SUFU: variants seen among roughly 807,000 people sequenced by gnomAD.
SUFU encodes SUFU negative regulator of hedgehog signaling, also known as suppressor of fused homolog.
A neutral mutation model predicts 58.9 loss-of-function variants in SUFU; 7 were observed. The ratio of observed to expected loss-of-function variants is 0.12; its 90% CI spans 0.07 to 0.22. SUFU has a LOEUF of 0.22. Among genes scored for constraint, SUFU ranks in the 10% least tolerant of loss-of-function variants. The pLI, the probability that SUFU is intolerant of heterozygous loss-of-function variation, is 1.00. For synonymous variants in SUFU, 232 were observed against 254.8 expected (o/e 0.91, Z 0.85); for missense variants, 451 against 641.3 (o/e 0.70, Z 3.20).
intron 3 of SUFU, among the ~76,000 whole-genome samples, chr10:102,590,591 T>C (rs2063389387): frequency 6.6e-6 from 1 of 152,196 alleles, no homozygotes; most frequent in South Asian, 2.1e-4. Flanking sequence ...TTGCTTTTCA[T>C]ATCATGGTAA....
At chr10:102,579,120 A>C (rs2063246420) in intron 3 of SUFU, among the ~76,000 whole-genome samples, 1 of 150,720 alleles carries the variant, frequency 6.6e-6, no homozygotes, top group Non-Finnish European at 1.5e-5. Context: ...GGACCTGTGT[A>C]CTTTACAGGT....
In SUFU at chr10:102,540,963, A is replaced by G. The variant is rs757823047; in HGVS notation, c.318-9007A>G. The stretch of plus-strand genomic sequence containing the variant: ...CTTGAACCCGGGAGGCGGAGGTTGC[A>G]GTGATCAGAGATCGCGCCATTGCAC... On this transcript the variant is annotated intron_variant, in intron 2 of 11. Coordinates refer to ENST00000369902, the MANE Select transcript of SUFU (RefSeq NM_016169.4). Among the ~76,000 whole-genome samples the G allele has an allele frequency of 9.9e-5, 15 of 152,224 alleles. No individual in the cohort carries two copies. The Middle Eastern group carries it at 0.014, about 139-fold the overall frequency.
chr10:102,595,228 G>A (rs1056806404), intron 6 of SUFU, among the ~76,000 whole-genome samples: 3 of 152,180 alleles, frequency 2.0e-5, no homozygotes, highest in Admixed American at 6.5e-5. Flanking sequence ...GGTGGCAGAT[G>A]GACATGTAGC....
At chr10:102,550,945 T>C (rs573829765) in intron 3 of SUFU, among the ~76,000 whole-genome samples, 160 of 152,240 alleles carry the variant, frequency 1.1e-3, no homozygotes, top group African/African-American at 3.7e-3. Context: ...GATTTTTCCA[T>C]GTTGGTCAGG....
At chr10:102,515,239 T>A (rs1268241750) in intron 2 of SUFU, among the ~76,000 whole-genome samples, 1 of 152,122 alleles carries the variant, frequency 6.6e-6, no homozygotes, top group African/African-American at 2.4e-5. Context: ...CTTTTCCACT[T>A]GTTGTTTAGT....
intron 8 of SUFU, among the ~76,000 whole-genome samples, chr10:102,613,194 CAG>C (rs2063644518): frequency 6.6e-6 from 1 of 152,266 alleles, no homozygotes; most frequent in South Asian, 2.1e-4. Flanking sequence ...TAAACAACCT[CAG>C]AGTTTCCTTC....
chr10:102,590,842 C>T (rs763918189), intron 3 of SUFU: 9 of 152,226 alleles, frequency 5.9e-5, no homozygotes, highest in South Asian at 2.1e-4. Context: ...AACACACTTA[C>T]GTAAAAGGAG....
intron 1 of SUFU, among the ~76,000 whole-genome samples, chr10:102,508,239 G>T (rs1042475281): frequency 6.6e-6 from 1 of 152,126 alleles, no homozygotes; most frequent in Non-Finnish European, 1.5e-5. Flanking sequence ...CTCCCAAAGT[G>T]CAGAGATTAC....
chr10:102,509,902 A>T (rs1360003467), intron 2 of SUFU, among the ~76,000 whole-genome samples: 1 of 151,980 alleles, frequency 6.6e-6, no homozygotes, highest in Admixed American at 6.6e-5. Flanking sequence ...CAGTGGTATG[A>T]TCATGGTTCA....
chr10:102,624,257 C>T (rs991305721), intron 10 of SUFU, among the ~76,000 whole-genome samples: 5 of 152,224 alleles, frequency 3.3e-5, no homozygotes, highest in African/African-American at 7.2e-5. Context: ...ATCACAAGGG[C>T]AAGTCTGTTA....
intron 2 of SUFU, among the ~76,000 whole-genome samples, chr10:102,534,523 C>T (rs1195289250): frequency 6.6e-6 from 1 of 152,240 alleles, no homozygotes; most frequent in Admixed American, 6.5e-5. Context: ...GAAATGTTCA[C>T]GTTCTGCTTT....
At chr10:102,515,571 C>T (rs1393705039) in intron 2 of SUFU, among the ~76,000 whole-genome samples, 2 of 152,188 alleles carry the variant, frequency 1.3e-5, no homozygotes, top group Non-Finnish European at 2.9e-5. Flanking sequence ...CCACCTCAGC[C>T]TCCCAAAGTG....
intron 2 of SUFU, among the ~76,000 whole-genome samples, chr10:102,518,844 T>C (rs11191312): frequency 0.26 from 39,322 of 151,066 alleles, 6,003 homozygotes; most frequent in Non-Finnish European, 0.33. Context: ...AAGCAGCTTT[T>C]AAAGAAAGGG....
chr10:102,625,234 G>A lies in SUFU; in HGVS notation c.1297-1941G>A. On this transcript the variant is annotated intron_variant, in intron 10 of 11. Coordinates refer to ENST00000369902, the MANE Select transcript of SUFU (RefSeq NM_016169.4). The surrounding 1 kb of genome is among the most constrained non-coding windows in gnomAD (Gnocchi z 4.7). The stretch of plus-strand genomic sequence containing the variant: ...TGGCTGGAGTCTGTGGGCAGAGTCG[G>A]CCAGTCCCACTTTGGGGAATTAGGA... 6.6e-6 allele frequency among the ~76,000 whole-genome samples: 1 copy of A among 152,170 alleles called. No individual in the cohort carries two copies. The highest frequency in any genetic ancestry group is 1.9e-4 in the East Asian group (1 of 5,198).
Position 102,597,249 on chromosome 10 carries a change from G to A in SUFU, c.866G>A (p.Arg289Gln), listed in dbSNP as rs149016373. ...SRPPEDDEDS[R>Q]SICIGTQPRR... is the part of the protein sequence containing the mutation. ...CCCCCCGAGGATGACGAGGACAGCC[G>A]GAGCATCTGCATCGGCACACAGCCC... is the stretch of plus-strand genomic sequence containing the variant. The change falls in exon 7 of 12, where the codon CGG (arginine) becomes CAG (glutamine). Residue 289 changes from arginine (R) to glutamine (Q), a missense_variant. Physicochemically the swap from Arg to Gln is conservative, Grantham distance 43. Transcript: ENST00000369902. 1.8e-5 allele frequency: 29 copies of A among 1,613,988 alleles called. No individual in the cohort carries two copies. Among genetic ancestry groups the A allele is most frequent in the Middle Eastern group, 3.3e-4 (2 of 6,028 alleles).
At chr10:102,579,407 C>T (rs1201782615) in intron 3 of SUFU, among the ~76,000 whole-genome samples, 1 of 152,240 alleles carries the variant, frequency 6.6e-6, no homozygotes, top group Non-Finnish European at 1.5e-5. Flanking sequence ...TCTCTGGCAG[C>T]CCGCCAGCCT....
At position 102,536,891 on chromosome 10, in the gene SUFU, A is replaced by G. The variant is rs1025204213; in HGVS notation, c.318-13079A>G. ...AGTGGTGTGATCTTAGCTCACGGCA[A>G]CTTCTGCCTCCTGGGCTCCACTGAT... On this transcript the variant is annotated intron_variant, in intron 2 of 11. Transcript: ENST00000369902. Among the ~76,000 whole-genome samples the G allele has an allele frequency of 5.9e-5, 9 of 151,850 alleles. No individual in the cohort carries two copies. In the South Asian group the frequency reaches 1.0e-3, roughly 18 times the overall value.
chr10:102,577,870 A>T (rs1435282661), intron 3 of SUFU, among the ~76,000 whole-genome samples: 1 of 147,910 alleles, frequency 6.8e-6, no homozygotes, highest in Non-Finnish European at 1.5e-5. Flanking sequence ...TTTAGTAGAG[A>T]TGGGGTTTCA....
intron 3 of SUFU, among the ~76,000 whole-genome samples, chr10:102,584,523 A>G (rs539109352): frequency 2.2e-4 from 34 of 152,172 alleles, no homozygotes; most frequent in African/African-American, 8.2e-4. Flanking sequence ...TCTCAGCTCT[A>G]TATGACTCTT....
Sources: gnomAD v4.1 joint callset for allele counts (sites outside exome capture counted in the v4.1 genomes callset) on GRCh38, gnomAD v4.1.1 for gene constraint, Gnocchi (gnomAD v3.1) non-coding constraint, MANE v1.5 for transcripts, NCBI Gene and HGNC (gene_info 2026-07-23, HGNC 2026-07-21) for gene names.